The following NKAIN3 variants were observed in gnomAD, a reference collection of about 807,000 sequenced individuals.
NKAIN3 encodes the protein sodium/potassium transporting ATPase interacting 3, also known as sodium/potassium-transporting ATPase subunit beta-1-interacting protein 3.
A neutral mutation model predicts 30.2 loss-of-function variants in NKAIN3; 25 were observed. The observed-to-expected ratio is 0.83, with a 90% confidence interval of 0.60 to 1.16. The LOEUF (loss-of-function observed/expected upper bound fraction) is 1.16, where lower values mean the gene tolerates loss of function less well. Ranked by LOEUF, NKAIN3 falls within the 50% of genes most tolerant of loss-of-function variation. The pLI is 0.00. For synonymous variants in NKAIN3, 91 were observed against 89.6 expected, an observed-to-expected ratio of 1.02 and a Z score of -0.09; for missense variants, 225 against 254.1, an observed-to-expected ratio of 0.89 and a Z score of 0.78.
At chr8:62,747,209 A>G (rs1053485220) in intron 4 of NKAIN3, 80 bp downstream of exon 4, 1 of 840,816 alleles carries the variant, frequency 1.2e-6, no homozygotes, top group African/African-American at 1.6e-5. Flanking sequence ...CCTGATAGAA[A>G]ATGCCACAGA....
At chr8:62,799,969 A>G (rs1209322860) in intron 4 of NKAIN3, among the ~76,000 whole-genome samples, 1 of 152,176 alleles carries the variant, frequency 6.6e-6, no homozygotes, top group East Asian at 1.9e-4. Flanking sequence ...CAAATATCAT[A>G]TGTTCTCACT....
intron 4 of NKAIN3, among the ~76,000 whole-genome samples, chr8:62,824,343 T>C (rs901058735): frequency 6.6e-6 from 1 of 152,178 alleles, no homozygotes; most frequent in Non-Finnish European, 1.5e-5. Flanking sequence ...ACCTTTGCAG[T>C]ATTCTCATTG....
At chr8:62,795,591 CTT>C (rs1817834435) in intron 4 of NKAIN3, among the ~76,000 whole-genome samples, 1 of 151,508 alleles carries the variant, frequency 6.6e-6, no homozygotes, top group African/African-American at 2.4e-5. Context: ...TTCATTTTGT[CTT>C]TTGTCTTTTT....
At chr8:62,927,311 G>A (rs1434492242) in intron 5 of NKAIN3, among the ~76,000 whole-genome samples, 1 of 152,172 alleles carries the variant, frequency 6.6e-6, no homozygotes, top group Non-Finnish European at 1.5e-5. Flanking sequence ...GGCTGCTGTT[G>A]ACTTCTCCTT....
intron 1 of NKAIN3, among the ~76,000 whole-genome samples, chr8:62,304,398 T>C (rs1446359758): frequency 6.6e-6 from 1 of 150,496 alleles, no homozygotes; most frequent in Non-Finnish European, 1.5e-5. Flanking sequence ...GACAAAGTAG[T>C]CATCTACATG....
chr8:62,823,335 A>G (rs1028697468), intron 4 of NKAIN3, among the ~76,000 whole-genome samples: 5 of 152,162 alleles, frequency 3.3e-5, no homozygotes, highest in African/African-American at 9.7e-5. Context: ...GCAGATGACT[A>G]TATACAAAAG....
At chr8:62,877,354 T>A (rs1586300859) in intron 4 of NKAIN3, among the ~76,000 whole-genome samples, 1 of 152,228 alleles carries the variant, frequency 6.6e-6, no homozygotes, top group Admixed American at 6.5e-5. Context: ...GGCCTCGGAA[T>A]GGAGGCACTT....
At chr8:62,597,479 C>G (rs1355055210) in intron 3 of NKAIN3, among the ~76,000 whole-genome samples, 2 of 151,826 alleles carry the variant, frequency 1.3e-5, no homozygotes, top group Non-Finnish European at 2.9e-5. Flanking sequence ...TTTATTTTCA[C>G]TTTTTGTTAA....
At chr8:62,956,560 G>A (rs893146593) in intron 6 of NKAIN3, among the ~76,000 whole-genome samples, 1 of 152,162 alleles carries the variant, frequency 6.6e-6, no homozygotes, top group African/African-American at 2.4e-5. Flanking sequence ...AAATTGTATG[G>A]GAATGTGTAT....
At chr8:62,951,890 T>C (rs1282584821) in intron 5 of NKAIN3, among the ~76,000 whole-genome samples, 1 of 152,158 alleles carries the variant, frequency 6.6e-6, no homozygotes, top group Non-Finnish European at 1.5e-5. Flanking sequence ...AACCTCCATC[T>C]CCCAGGTTCT....
intron 4 of NKAIN3, among the ~76,000 whole-genome samples, chr8:62,748,737 T>C (rs994056188): frequency 6.6e-6 from 1 of 152,210 alleles, no homozygotes; most frequent in Non-Finnish European, 1.5e-5. Context: ...AAAGGCAAAT[T>C]TGATACTGAA....
chr8:62,320,067 A>T (rs2129589321), intron 1 of NKAIN3, among the ~76,000 whole-genome samples: 1 of 152,144 alleles, frequency 6.6e-6, no homozygotes, highest in East Asian at 1.9e-4. Context: ...TGTTGAATTG[A>T]TCCCTTTACC....
chr8:62,853,684 G>T (rs147568690), intron 4 of NKAIN3, among the ~76,000 whole-genome samples: 2 of 151,942 alleles, frequency 1.3e-5, no homozygotes, highest in African/African-American at 4.8e-5. Context: ...ATTTTTGAAG[G>T]GTTTTTCATG....
At chr8:62,756,904 A>G (rs1437456584) in intron 4 of NKAIN3, among the ~76,000 whole-genome samples, 1 of 152,172 alleles carries the variant, frequency 6.6e-6, no homozygotes, top group Non-Finnish European at 1.5e-5. Flanking sequence ...ATTATCCCAG[A>G]CAGACATGTT....
At chr8:62,789,560 C>T (rs1240835936) in intron 4 of NKAIN3, among the ~76,000 whole-genome samples, 1 of 151,884 alleles carries the variant, frequency 6.6e-6, no homozygotes, top group Non-Finnish European at 1.5e-5. Flanking sequence ...GCCAGAAGTT[C>T]CAACACTATG....
intron 1 of NKAIN3, among the ~76,000 whole-genome samples, chr8:62,476,663 G>A (rs1184207028): frequency 6.6e-6 from 1 of 151,950 alleles, no homozygotes; most frequent in African/African-American, 2.4e-5. Context: ...CACCATGTTG[G>A]CCAGGGTGGT....
chr8:62,500,308 A>G (rs1807386401), intron 1 of NKAIN3, among the ~76,000 whole-genome samples: 1 of 152,012 alleles, frequency 6.6e-6, no homozygotes, highest in South Asian at 2.1e-4. Flanking sequence ...TGGCAGTTGG[A>G]AGTTTTAGAT....
intron 1 of NKAIN3, among the ~76,000 whole-genome samples, chr8:62,274,926 C>A (rs1812888248): frequency 6.6e-6 from 1 of 152,110 alleles, no homozygotes; most frequent in African/African-American, 2.4e-5. Flanking sequence ...GACATGAACT[C>A]ATCATTTTTT....
intron 4 of NKAIN3, among the ~76,000 whole-genome samples, chr8:62,900,066 TG>T (rs1461193291): frequency 6.6e-6 from 1 of 151,576 alleles, no homozygotes; most frequent in Non-Finnish European, 1.5e-5. Context: ...GTACCATTCA[TG>T]AAAAAAAGTT....
Sources: allele counts gnomAD v4.1 joint callset (sites outside exome capture counted in the v4.1 genomes callset), GRCh38; gene constraint gnomAD v4.1.1; transcripts MANE v1.5; gene names NCBI Gene and HGNC (gene_info 2026-07-23, HGNC 2026-07-21).